Variants in OSMR observed in about 807,000 individuals in gnomAD.
OSMR encodes oncostatin-M-specific receptor subunit beta.
OSMR carries 81 observed loss-of-function variants against 99.9 expected under a neutral mutation model. The observed-to-expected ratio is 0.81, with a 90% CI of 0.68 to 0.97. The LOEUF (loss-of-function observed/expected upper bound fraction) is 0.97, where lower values mean the gene tolerates loss of function less well. Among genes scored for constraint, OSMR ranks in the 50% least tolerant of loss-of-function variants. The pLI, the probability that OSMR is intolerant of heterozygous loss-of-function variation, is 0.00. For missense variants in OSMR, 1,099 were observed against 1,153.4 expected (o/e 0.95, Z 0.68); for synonymous variants, 406 against 410.4 (o/e 0.99, Z 0.13).
At chr5:38,857,698 C>T (rs193301924) in intron 1 of OSMR, among the ~76,000 whole-genome samples, 2 of 152,058 alleles carry the variant, frequency 1.3e-5, no homozygotes, top group East Asian at 1.9e-4. Context: ...GATGGAGTCT[C>T]GCTGTGTCGC....
intron 1 of OSMR, chr5:38,943,111 T>A: frequency 1.9e-6 from 1 of 513,954 alleles, no homozygotes; most frequent in Non-Finnish European, 3.4e-6. Context: ...CTTGAGAATA[T>A]AAAATATTAA....
At chr5:38,861,904 C>T (rs1227735929) in intron 1 of OSMR, among the ~76,000 whole-genome samples, 9 of 125,082 alleles carry the variant, frequency 7.2e-5, no homozygotes, top group Non-Finnish European at 1.4e-4. Flanking sequence ...CCGGACGGGG[C>T]GGCTGGCCGG....
intron 9 of OSMR, among the ~76,000 whole-genome samples, chr5:38,906,925 G>T (rs989083534): frequency 7.2e-5 from 11 of 152,030 alleles, no homozygotes; most frequent in Non-Finnish European, 1.3e-4. Flanking sequence ...CCTTAATTTT[G>T]TTAAATTTTG....
At chr5:38,891,318 C>G (rs1328145477) in intron 7 of OSMR, among the ~76,000 whole-genome samples, 1 of 152,178 alleles carries the variant, frequency 6.6e-6, no homozygotes, top group African/African-American at 2.4e-5. Flanking sequence ...GATGCAAGGT[C>G]CTTTCTTAAG....
At chr5:38,925,483 T>C in intron 15 of OSMR, 112 bp downstream of exon 15, 1 of 925,624 alleles carries the variant, frequency 1.1e-6, no homozygotes, top group Non-Finnish European at 1.8e-6. Flanking sequence ...ACCTTTCTTC[T>C]CCCCTTCTCA....
intron 13 of OSMR, among the ~76,000 whole-genome samples, chr5:38,923,552 TTAAAGA>T (rs1746332250): frequency 6.6e-6 from 1 of 152,256 alleles, no homozygotes; most frequent in Non-Finnish European, 1.5e-5. Flanking sequence ...AAATGAAGTC[TTAAAGA>T]TAGGATGCTG....
intron 1 of OSMR, among the ~76,000 whole-genome samples, chr5:38,859,519 A>C (rs1352817310): frequency 3.3e-5 from 5 of 152,154 alleles, no homozygotes; most frequent in Admixed American, 3.3e-4. Context: ...GTATATTTTG[A>C]AGGCAGGTGT....
intron 2 of OSMR, among the ~76,000 whole-genome samples, chr5:38,871,376 C>T (rs1176365373): frequency 6.6e-6 from 1 of 152,264 alleles, no homozygotes; most frequent in Non-Finnish European, 1.5e-5. Context: ...CCAGCTTTCT[C>T]TGTCAAGCAT....
rs148644009 is a variant in OSMR, at chr5:38,912,310, C to T, written c.1286-5236C>T. Among the ~76,000 whole-genome samples, 344 of 152,180 alleles carry T rather than the reference C, an allele frequency of 2.3e-3. 1 individual carries two copies. The highest frequency in any genetic ancestry group is 7.9e-3 in the African/African-American group (330 of 41,520). On this transcript the variant is annotated intron_variant, in intron 9 of 17. Coordinates refer to ENST00000274276, the MANE Select transcript of OSMR (RefSeq NM_003999.3). Reference sequence around the variant, plus strand: ...TTCAAGCTGAGACCCAAGTCAAGAACGCAATCCTACTTTCGATACTCACAT... The same window carrying T: ...TTCAAGCTGAGACCCAAGTCAAGAATGCAATCCTACTTTCGATACTCACAT...
intron 1 of OSMR, among the ~76,000 whole-genome samples, chr5:38,846,970 G>A (rs1027582868): frequency 6.6e-6 from 1 of 152,138 alleles, no homozygotes; most frequent in Non-Finnish European, 1.5e-5. Flanking sequence ...GCCTGCATCC[G>A]TCCATCCATC....
intron 11 of OSMR, 193 bp downstream of exon 11, chr5:38,919,255 G>A: frequency 6.6e-7 from 1 of 1,517,880 alleles, no homozygotes; most frequent in Non-Finnish European, 8.8e-7. Context: ...TGGGGAGAAG[G>A]AGACTTCAGC....
chr5:38,918,809 A>C lies in OSMR; in HGVS notation c.1363-31A>C, dbSNP rs746770857. ...TACAAATTCCTTTCAATTAAAACCCATTTAAAAATGTTTATCAATATTTTT... is the reference window on the plus strand; with the variant it reads ...TACAAATTCCTTTCAATTAAAACCCCTTTAAAAATGTTTATCAATATTTTT... On this transcript the variant is annotated intron_variant, in intron 10 of 17. Transcript: ENST00000274276. 36 of 1,612,358 alleles carry C rather than the reference A, an allele frequency of 2.2e-5. No individual in the cohort carries two copies. The Admixed American group carries it at 5.8e-4, about 26-fold the overall frequency.
intron 1 of OSMR, among the ~76,000 whole-genome samples, chr5:38,867,752 C>T (rs2112224709): frequency 6.6e-6 from 1 of 152,238 alleles, no homozygotes; most frequent in South Asian, 2.1e-4. Context: ...AATATGCTAA[C>T]CTAGGTTAAA....
chr5:38,847,438 A>C (rs1029139478), intron 1 of OSMR, among the ~76,000 whole-genome samples: 51 of 152,292 alleles, frequency 3.3e-4, no homozygotes, highest in African/African-American at 1.2e-3. Context: ...AGCAGGTGAC[A>C]GTATCAGGAT....
chr5:38,858,418 TC>T (rs1395059158), intron 1 of OSMR, among the ~76,000 whole-genome samples: 1 of 152,144 alleles, frequency 6.6e-6, no homozygotes, highest in African/African-American at 2.4e-5. Context: ...TTGAGTTCTA[TC>T]CATGTTGCTG....
chr5:38,881,789 G>C, intron 4 of OSMR, 25 bp downstream of exon 4: 1 of 1,579,376 alleles, frequency 6.3e-7, no homozygotes, highest in East Asian at 2.2e-5. Context: ...GGTTACAAGA[G>C]TGAAAAGGGT....
At position 38,925,249 on chromosome 5, in the gene OSMR, A is replaced by C. The variant is rs387906823; in HGVS notation, c.2090A>C (p.Lys697Thr). 18 of 1,613,922 alleles carry C rather than the reference A, an allele frequency of 1.1e-5. No individual in the cohort carries two copies. The East Asian group carries it at 4.0e-4, about 36-fold the overall frequency. Residue 697 changes from lysine (K) to threonine (T), a missense_variant, in exon 15 of 18, where the codon AAG (lysine) becomes ACG (threonine). Coordinates refer to ENST00000274276, the MANE Select transcript of OSMR (RefSeq NM_003999.3). ...TACAAAATTGACAACCCGGAAGAAA[A>C]GGCATTGATTGTGGACAACCTAAAG... ...CKYKIDNPEE[K>T]ALIVDNLKPE...
intron 1 of OSMR, chr5:38,943,299 T>C (rs1202631835): frequency 1.1e-5 from 2 of 183,278 alleles, no homozygotes; most frequent in Non-Finnish European, 2.3e-5. Context: ...AGTTTTAAAA[T>C]AGAAATACAT....
intron 1 of OSMR, among the ~76,000 whole-genome samples, chr5:38,862,641 G>A (rs1332089090): frequency 9.4e-4 from 141 of 149,590 alleles, no homozygotes; most frequent in Non-Finnish European, 1.5e-3. Flanking sequence ...CATCCCAGAC[G>A]GGGCGGCAGG....
Sources: gnomAD v4.1 joint callset for allele counts (sites outside exome capture counted in the v4.1 genomes callset) on GRCh38, gnomAD v4.1.1 for gene constraint, MANE v1.5 for transcripts, NCBI Gene and HGNC (gene_info 2026-07-23, HGNC 2026-07-21) for gene names.